FTCDNL1: variants seen among roughly 807,000 people sequenced by gnomAD.
FTCDNL1 encodes formiminotransferase cyclodeaminase N-terminal like.
FTCDNL1 carries 11 observed loss-of-function variants against 5.9 expected under a neutral mutation model. The ratio of observed to expected loss-of-function variants is 1.87; its 90% CI spans 1.18 to 3.10. FTCDNL1 has a LOEUF of 3.10. Ranked by LOEUF, FTCDNL1 falls within the 30% of genes most tolerant of loss-of-function variation. The probability of loss-of-function intolerance (pLI) is 0.00; values close to 1 mark genes in which losing one functional copy is unlikely to be tolerated. For synonymous variants in FTCDNL1, 58 were observed against 24.8 expected (o/e 2.34, Z -3.99); for missense variants, 115 against 65.5 (o/e 1.76, Z -2.61).
intron 3 of FTCDNL1, among the ~76,000 whole-genome samples, chr2:199,765,550 A>ATTTTTTT (rs1195071962): frequency 2.1e-4 from 11 of 52,962 alleles, no homozygotes; most frequent in Non-Finnish European, 2.8e-4. Flanking sequence ...ATATATATAT[A>ATTTTTTT]TATATATTTT....
chr2:199,752,901 G>C, the FTCDNL1 span, among the ~76,000 whole-genome samples: 2 of 151,838 alleles, frequency 1.3e-5, no homozygotes, highest in African/African-American at 4.8e-5. Flanking sequence ...AGTGATTGGG[G>C]CTTAGCAAGC....
intron 3 of FTCDNL1, 144 bp downstream of exon 3, chr2:199,845,931 G>A: frequency 2.5e-6 from 1 of 394,608 alleles, no homozygotes. Flanking sequence ...TCAGAAAAAT[G>A]ATTAAGTGTA....
At chr2:199,675,939 CA>C in the FTCDNL1 span, among the ~76,000 whole-genome samples, 9 of 152,234 alleles carry the variant, frequency 5.9e-5, no homozygotes, top group South Asian at 1.7e-3. Context: ...TTTGTAGAGA[CA>C]GGGGTCTCAC....
chr2:199,801,132 T>C (rs766803901), intron 3 of FTCDNL1, among the ~76,000 whole-genome samples: 54 of 152,208 alleles, frequency 3.5e-4, no homozygotes, highest in Non-Finnish European at 1.3e-4. Flanking sequence ...GGCCCTGCTT[T>C]GTGAGTCACA....
At chr2:199,766,821 C>T (rs1698560529) in intron 3 of FTCDNL1, among the ~76,000 whole-genome samples, 1 of 151,854 alleles carries the variant, frequency 6.6e-6, no homozygotes, top group African/African-American at 2.4e-5. Context: ...AATGAAAATC[C>T]CTAAAGAATT....
chr2:199,681,006 A>G, the FTCDNL1 span, among the ~76,000 whole-genome samples: 1 of 152,342 alleles, frequency 6.6e-6, no homozygotes, highest in African/African-American at 2.4e-5. Flanking sequence ...GAAGTGGAAG[A>G]AAAGTGGGAA....
chr2:199,796,766 T>TA lies in FTCDNL1; in HGVS notation c.212-35932dup, dbSNP rs1199719441. Among the ~76,000 whole-genome samples, 1,073 of 144,636 alleles carry TA rather than the reference T, an allele frequency of 7.4e-3. 5 individuals carry two copies. The highest frequency in any genetic ancestry group is 0.018 in the African/African-American group (730 of 39,524). The allele number at this position is 144,636 out of a possible 152,430, so 94.9% of individuals were successfully genotyped here. A position where few individuals can be genotyped will look rare whatever the true frequency, so the allele number is the denominator to read the frequency against. On this transcript the variant is annotated intron_variant, in intron 3 of 3. Coordinates refer to the FTCDNL1 transcript ENST00000416668. ...GTTTCCTTTTGTTAAGTAGTATCCTTAAAAAAAAAAATCCCATACAATCTA... is the reference window on the plus strand; with the variant it reads ...GTTTCCTTTTGTTAAGTAGTATCCTTAAAAAAAAAAAATCCCATACAATCTA...
the FTCDNL1 span, among the ~76,000 whole-genome samples, chr2:199,723,767 G>A: frequency 6.6e-6 from 1 of 152,132 alleles, no homozygotes; most frequent in Admixed American, 6.5e-5. Flanking sequence ...TTTTTGATGT[G>A]CTGCTGGATT....
At position 199,789,023 on chromosome 2, in the gene FTCDNL1, GA is replaced by G. The variant is rs36045224; in HGVS notation, c.212-28189del. On this transcript the variant is annotated intron_variant, in intron 3 of 3. Coordinates refer to the FTCDNL1 transcript ENST00000416668. Reference sequence around the variant, plus strand: ...TACCATAGAAGAAAGCTATCATTACGAAAAAAAAAAAAGAAGTCACTAGGGC... The same window carrying G: ...TACCATAGAAGAAAGCTATCATTACGAAAAAAAAAAAGAAGTCACTAGGGC... 1.3e-3 allele frequency among the ~76,000 whole-genome samples: 179 copies of G among 138,148 alleles called. 1 individual carries two copies. The highest frequency in any genetic ancestry group is 3.5e-3 in the Admixed American group (49 of 14,020). The allele number at this position is 138,148 out of a possible 152,430, so 90.6% of individuals were successfully genotyped here.
the FTCDNL1 span, among the ~76,000 whole-genome samples, chr2:199,666,347 G>A: frequency 6.6e-6 from 1 of 152,134 alleles, no homozygotes; most frequent in East Asian, 1.9e-4. Flanking sequence ...AGCAATCAAA[G>A]AGCTATTACA....
At chr2:199,791,023 C>T (rs1170054598) in intron 3 of FTCDNL1, among the ~76,000 whole-genome samples, 3 of 152,002 alleles carry the variant, frequency 2.0e-5, no homozygotes, top group Non-Finnish European at 4.4e-5. Context: ...AAGCATTATT[C>T]ATAGAACAAA....
intron 3 of FTCDNL1, among the ~76,000 whole-genome samples, chr2:199,830,484 T>C (rs962629582): frequency 2.0e-5 from 3 of 152,194 alleles, no homozygotes; most frequent in African/African-American, 7.2e-5. Context: ...TCTTTTCCAA[T>C]GTCTTCATTA....
At chr2:199,695,228 G>A in the FTCDNL1 span, among the ~76,000 whole-genome samples, 13 of 152,202 alleles carry the variant, frequency 8.5e-5, no homozygotes, top group Non-Finnish European at 1.5e-5. Context: ...CTAATAGAGG[G>A]AAGGCATGAC....
the FTCDNL1 span, among the ~76,000 whole-genome samples, chr2:199,669,535 C>A: frequency 6.6e-6 from 1 of 152,138 alleles, no homozygotes; most frequent in African/African-American, 2.4e-5. Context: ...GTTCAGGAAA[C>A]CCAAACCCAG....
the FTCDNL1 span, among the ~76,000 whole-genome samples, chr2:199,740,534 C>T: frequency 4.6e-5 from 7 of 152,164 alleles, no homozygotes; most frequent in Non-Finnish European, 1.0e-4. Flanking sequence ...GTTAGAACAC[C>T]ATAAGGACAT....
At chr2:199,721,795 T>C in the FTCDNL1 span, among the ~76,000 whole-genome samples, 5 of 152,272 alleles carry the variant, frequency 3.3e-5, no homozygotes, top group Non-Finnish European at 5.9e-5. Context: ...CTGTTGTTTC[T>C]TGACTATTTA....
intron 3 of FTCDNL1, among the ~76,000 whole-genome samples, chr2:199,831,776 A>T (rs1702387409): frequency 6.6e-6 from 1 of 152,186 alleles, no homozygotes; most frequent in South Asian, 2.1e-4. Flanking sequence ...ATTTTGAAAC[A>T]GAGAATTAAT....
the FTCDNL1 span, among the ~76,000 whole-genome samples, chr2:199,683,423 C>A: frequency 6.6e-6 from 1 of 151,916 alleles, no homozygotes. Flanking sequence ...ATTCATATTT[C>A]CAAGTAAATC....
intron 3 of FTCDNL1, among the ~76,000 whole-genome samples, chr2:199,770,115 G>A (rs1368305634): frequency 6.6e-6 from 1 of 152,080 alleles, no homozygotes; most frequent in Non-Finnish European, 1.5e-5. Flanking sequence ...AGCACCACCA[G>A]TACAGTTGAT....
Sources: gnomAD v4.1 joint callset for allele counts (sites outside exome capture counted in the v4.1 genomes callset) on GRCh38, gnomAD v4.1.1 for gene constraint, MANE v1.5 for transcripts, NCBI Gene and HGNC (gene_info 2026-07-23, HGNC 2026-07-21) for gene names.